Variants in PCDH15 observed in about 807,000 individuals in gnomAD.
The protein encoded by PCDH15 is protocadherin-15.
Under a neutral mutation model 178.5 loss-of-function variants are expected in PCDH15, and 129 were observed. That is an observed-to-expected ratio of 0.72 (90% confidence interval 0.63 to 0.84). The LOEUF (loss-of-function observed/expected upper bound fraction) is 0.84, where lower values mean the gene tolerates loss of function less well. PCDH15 is among the 40% of genes least tolerant of loss of function. The pLI, the probability that PCDH15 is intolerant of heterozygous loss-of-function variation, is 0.00. For missense variants in PCDH15, 2,230 were observed against 2,099.9 expected, an observed-to-expected ratio of 1.06 and a Z score of -1.21; for synonymous variants, 800 against 732.0, an observed-to-expected ratio of 1.09 and a Z score of -1.50.
intron 4 of PCDH15, among the ~76,000 whole-genome samples, chr10:54,377,289 T>G (rs1948585473): frequency 6.6e-6 from 1 of 152,130 alleles, no homozygotes; most frequent in African/African-American, 2.4e-5. Context: ...ATTTTACAAT[T>G]AAATGAGACT....
intron 2 of PCDH15, among the ~76,000 whole-genome samples, chr10:54,961,754 G>T (rs768362337): frequency 6.6e-6 from 1 of 152,114 alleles, no homozygotes; most frequent in South Asian, 2.1e-4. Flanking sequence ...CTGCAGAAAG[G>T]TCCTAATCAC....
At chr10:55,028,039 A>T (rs1840519232) in intron 2 of PCDH15, among the ~76,000 whole-genome samples, 1 of 151,916 alleles carries the variant, frequency 6.6e-6, no homozygotes, top group African/African-American at 2.4e-5. Context: ...ACCTCAAGCA[A>T]AGGTCAATAT....
chr10:54,154,627 A>T (rs79162634), intron 13 of PCDH15, among the ~76,000 whole-genome samples: 9 of 152,198 alleles, frequency 5.9e-5, no homozygotes, highest in African/African-American at 1.9e-4. Flanking sequence ...AAAGTACTTT[A>T]TACACTGTAC....
chr10:54,446,716 A>AGATT (rs2076161012), intron 3 of PCDH15, among the ~76,000 whole-genome samples: 1 of 151,520 alleles, frequency 6.6e-6, no homozygotes. Flanking sequence ...GGGCCCCTTG[A>AGATT]GATTTTAGTA....
chr10:53,826,346 T>G (rs576513049), intron 32 of PCDH15, among the ~76,000 whole-genome samples: 2 of 152,116 alleles, frequency 1.3e-5, no homozygotes, highest in East Asian at 3.9e-4. Flanking sequence ...TGTATAACAT[T>G]ATTAATATGG....
intron 26 of PCDH15, among the ~76,000 whole-genome samples, chr10:53,872,542 T>A (rs2079943895): frequency 6.6e-6 from 1 of 152,174 alleles, no homozygotes; most frequent in Non-Finnish European, 1.5e-5. Context: ...TTCTCTCTCC[T>A]TCCACAACAC....
chr10:55,253,247 T>C (rs796172767), intron 1 of PCDH15, among the ~76,000 whole-genome samples: 30 of 99,980 alleles, frequency 3.0e-4, no homozygotes, highest in East Asian at 1.2e-3. Context: ...TGTGTGTGTG[T>C]GCGTGTGTGT....
chr10:54,147,280 G>A (rs2044080027), intron 14 of PCDH15, among the ~76,000 whole-genome samples: 1 of 151,576 alleles, frequency 6.6e-6, no homozygotes, highest in African/African-American at 2.4e-5. Flanking sequence ...TCTAAGGTGA[G>A]TTTTTAGTAT....
chr10:53,953,883 G>A (rs1027161470), intron 23 of PCDH15, among the ~76,000 whole-genome samples: 2 of 152,060 alleles, frequency 1.3e-5, no homozygotes, highest in Admixed American at 6.6e-5. Flanking sequence ...TCAGCCTCTT[G>A]GGTTCATGCC....
chr10:54,554,723 T>C (rs1325410222), intron 2 of PCDH15, among the ~76,000 whole-genome samples: 2 of 152,132 alleles, frequency 1.3e-5, no homozygotes, highest in South Asian at 2.1e-4. Context: ...CTAAACCCTC[T>C]CATCATTTTT....
chr10:55,421,917 C>T (rs1217763345), intron 2 of PCDH15, among the ~76,000 whole-genome samples: 1 of 151,652 alleles, frequency 6.6e-6, no homozygotes, highest in Non-Finnish European at 1.5e-5. Flanking sequence ...AATGGTATTT[C>T]TATTAGCCCA....
chr10:54,528,027 A>ATTTTTATTTTTATATTTAAG (rs2132670132), intron 2 of PCDH15, 150 bp from the exon 3 acceptor site: 1 of 664,794 alleles, frequency 1.5e-6, no homozygotes, highest in East Asian at 2.7e-5. Flanking sequence ...ATTTAAAAAC[A>ATTTTTATTTTTATATTTAAG]TTTTATAATA....
At chr10:54,138,911 T>G (rs1040271196) in intron 14 of PCDH15, among the ~76,000 whole-genome samples, 1 of 152,264 alleles carries the variant, frequency 6.6e-6, no homozygotes, top group South Asian at 2.1e-4. Context: ...TACGTTTTTT[T>G]TTGTCTACCA....
chr10:55,106,299 A>G (rs1195752808), intron 2 of PCDH15, among the ~76,000 whole-genome samples: 2 of 152,242 alleles, frequency 1.3e-5, no homozygotes, highest in African/African-American at 4.8e-5. Context: ...AGACCAAAGC[A>G]CAGTAAGGGT....
chr10:55,133,877 CA>C (rs1838120822), intron 2 of PCDH15, among the ~76,000 whole-genome samples: 1 of 152,096 alleles, frequency 6.6e-6, no homozygotes, highest in Non-Finnish European at 1.5e-5. Flanking sequence ...CACTTCCGAG[CA>C]CCTCCAGTGC....
chr10:54,925,348 C>A (rs866530814), intron 2 of PCDH15, among the ~76,000 whole-genome samples: 12 of 151,992 alleles, frequency 7.9e-5, no homozygotes, highest in Admixed American at 2.6e-4. Context: ...TTACTGTAGC[C>A]TTGTTGTATA....
intron 2 of PCDH15, among the ~76,000 whole-genome samples, chr10:55,538,152 C>A (rs778583895): frequency 6.6e-6 from 1 of 152,152 alleles, no homozygotes; most frequent in Admixed American, 6.6e-5. Context: ...AGATGACATT[C>A]TCCTTACCTT....
intron 2 of PCDH15, among the ~76,000 whole-genome samples, chr10:54,958,864 A>G (rs1457579813): frequency 6.6e-6 from 1 of 151,926 alleles, no homozygotes; most frequent in Non-Finnish European, 1.5e-5. Context: ...CATGCATATT[A>G]AAATGACACC....
chr10:55,293,794 C>G (rs1402076588), intron 1 of PCDH15, among the ~76,000 whole-genome samples: 1 of 152,122 alleles, frequency 6.6e-6, no homozygotes, highest in African/African-American at 2.4e-5. Context: ...GCATTTTGAT[C>G]AAAGCCATTC....
Sources: gnomAD v4.1 joint callset for allele counts (sites outside exome capture counted in the v4.1 genomes callset) on GRCh38, gnomAD v4.1.1 for gene constraint, MANE v1.5 for transcripts, NCBI Gene and HGNC (gene_info 2026-07-23, HGNC 2026-07-21) for gene names.